The following PAX6 variants were observed in gnomAD, a reference collection of about 807,000 sequenced individuals.
PAX6 encodes paired box protein Pax-6.
Under a neutral mutation model 60.7 loss-of-function variants are expected in PAX6, and 7 were observed. The ratio of observed to expected loss-of-function variants is 0.12; its 90% CI spans 0.07 to 0.22. PAX6 has a LOEUF of 0.22. PAX6 is among the 10% of genes least tolerant of loss of function. PAX6 has a pLI of 1.00. For synonymous variants in PAX6, 208 were observed against 201.2 expected (o/e 1.03, Z -0.29); for missense variants, 355 against 555.2 (o/e 0.64, Z 3.62).
At chr11:31,799,339 G>T (rs1260543671) in intron 8 of PAX6, among the ~76,000 whole-genome samples, 1 of 152,026 alleles carries the variant, frequency 6.6e-6, no homozygotes, top group African/African-American at 2.4e-5. Context: ...GGAGGCCTCC[G>T]CCGGCCGAGC....
intron 13 of PAX6, 34 bp downstream of exon 13, chr11:31,790,676 G>A (rs746767059): frequency 1.4e-5 from 22 of 1,613,426 alleles, no homozygotes; most frequent in South Asian, 2.2e-5. Context: ...AAGAGAGATC[G>A]CCTCTGTGCA....
intron 13 of PAX6, chr11:31,790,309 AG>A: frequency 1.6e-6 from 1 of 632,184 alleles, no homozygotes; most frequent in Admixed American, 4.0e-5. Flanking sequence ...TTTACAATAA[AG>A]CTGTCTCTGG....
intron 4 of PAX6, 82 bp downstream of exon 4, chr11:31,806,320 G>C (rs1280927610): frequency 1.1e-5 from 17 of 1,509,098 alleles, no homozygotes; most frequent in Non-Finnish European, 1.5e-5. Context: ...CAGCGCGGGC[G>C]TCGCGAGTCC....
chr11:31,801,511 G>A (rs865864158), intron 7 of PAX6, 50 bp downstream of exon 7: 6 of 1,613,362 alleles, frequency 3.7e-6, no homozygotes, highest in Middle Eastern at 3.6e-4. Flanking sequence ...GTAAAGAGGA[G>A]AGAGCATTGG....
chr11:31,799,385 C>G lies in PAX6; in HGVS notation c.565+1306G>C, dbSNP rs1419408638. 2.0e-5 allele frequency among the ~76,000 whole-genome samples: 3 copies of G among 152,218 alleles called. No homozygotes were observed. In the East Asian group the frequency reaches 5.8e-4, roughly 30 times the overall value. ...GGAAACAAGAAGCGAGCGCTTTGCTCCCTATCTTCCCAGTGTCCGTCCTAT... is the reference window on the plus strand; with the variant it reads ...GGAAACAAGAAGCGAGCGCTTTGCTGCCTATCTTCCCAGTGTCCGTCCTAT... On this transcript the variant is annotated intron_variant, in intron 8 of 13. Transcript: ENST00000640368.
chr11:31,799,140 G>A (rs1458936579), intron 8 of PAX6, among the ~76,000 whole-genome samples: 10 of 152,226 alleles, frequency 6.6e-5, no homozygotes, highest in Non-Finnish European at 1.5e-4. Flanking sequence ...GGTGTGTCCA[G>A]TGTCTACAAG....
Position 31,790,956 on chromosome 11 carries a change from T to C in PAX6, c.1075-96A>G, listed in dbSNP as rs1369262497. The C allele has an allele frequency of 3.0e-6, 4 of 1,336,264 alleles. No homozygotes were observed. The African/African-American group carries it at 5.8e-5, about 19-fold the overall frequency. 82.8% of individuals were successfully genotyped at this position (1,336,264 alleles called of 1,614,324 possible). On this transcript the variant is annotated intron_variant, in intron 12 of 13. Coordinates refer to ENST00000640368, the MANE Select transcript of PAX6 (RefSeq NM_001368894.2). ...TCCCGAGGAACTCTGCCAACAAGTCTGATCATTAAAGATGCCTTCACGTGA... is the reference window on the plus strand; with the variant it reads ...TCCCGAGGAACTCTGCCAACAAGTCCGATCATTAAAGATGCCTTCACGTGA...
chr11:31,806,957 T>C (rs1206772707), intron 2 of PAX6, 32 bp from the exon 3 acceptor site: 1 of 153,260 alleles, frequency 6.5e-6, no homozygotes, highest in Non-Finnish European at 1.5e-5. Context: ...AAAAGGTATA[T>C]CAAGCTGTGG....
upstream of PAX6, among the ~76,000 whole-genome samples, chr11:31,815,975 C>G (rs953757569): frequency 5.3e-5 from 8 of 152,050 alleles, no homozygotes; most frequent in African/African-American, 1.2e-4. Flanking sequence ...CCGCGCGGCC[C>G]GATGCCTCTG....
At chr11:31,797,731 C>A (rs1952073343) in intron 8 of PAX6, among the ~76,000 whole-genome samples, 1 of 152,178 alleles carries the variant, frequency 6.6e-6, no homozygotes, top group African/African-American at 2.4e-5. Flanking sequence ...GCCTTCCACT[C>A]TTAAAGCTTT....
intron 12 of PAX6, chr11:31,793,132 G>A (rs1041623827): frequency 6.9e-5 from 42 of 607,938 alleles, no homozygotes; most frequent in Middle Eastern, 4.2e-4. Context: ...CTGGTGCAAG[G>A]CTCCCTGGTA....
At chr11:31,790,484 C>G (rs1367540778) in intron 13 of PAX6, 1 of 985,174 alleles carries the variant, frequency 1.0e-6, no homozygotes, top group Non-Finnish European at 1.2e-6. Context: ...TGTCTTCATA[C>G]ACAACTTTTG....
intron 5 of PAX6, 133 bp from the exon 6 acceptor site, chr11:31,802,045 T>A: frequency 1.3e-6 from 1 of 777,158 alleles, no homozygotes; most frequent in Non-Finnish European, 2.1e-6. Flanking sequence ...AAAAAACGAA[T>A]TTAAAAGCTT....
At chr11:31,796,492 G>T (rs1413779968) in intron 8 of PAX6, among the ~76,000 whole-genome samples, 1 of 149,648 alleles carries the variant, frequency 6.7e-6, no homozygotes, top group African/African-American at 2.5e-5. Flanking sequence ...GTGGATGGGG[G>T]GGCCAGGGCC....
At chr11:31,800,619 G>T in intron 8 of PAX6, 72 bp downstream of exon 8, 2 of 1,555,222 alleles carry the variant, frequency 1.3e-6, no homozygotes, top group Non-Finnish European at 1.8e-6. Context: ...GAGAGGAAAT[G>T]GTTGGGAGAG....
At chr11:31,802,661 A>T (rs768500846) in intron 5 of PAX6, 43 bp downstream of exon 5, 2 of 1,592,658 alleles carry the variant, frequency 1.3e-6, no homozygotes, top group African/African-American at 1.3e-5. Context: ...TTGAGAGTGG[A>T]GGGCCGCGGG....
At chr11:31,816,011 A>G (rs2135445815), upstream of PAX6, among the ~76,000 whole-genome samples, 1 of 152,296 alleles carries the variant, frequency 6.6e-6, no homozygotes, top group African/African-American at 2.4e-5. Context: ...AAAGGGAATG[A>G]AAAATGAAGC....
intron 8 of PAX6, among the ~76,000 whole-genome samples, chr11:31,799,692 C>T (rs1229777888): frequency 6.6e-6 from 1 of 152,158 alleles, no homozygotes; most frequent in African/African-American, 2.4e-5. Context: ...AGGCGCCGGG[C>T]ATCCGGAGCC....
At chr11:31,793,352 A>T (rs1414675572) in intron 12 of PAX6, 86 bp downstream of exon 12, 1 of 1,117,484 alleles carries the variant, frequency 8.9e-7, no homozygotes, top group Non-Finnish European at 1.4e-6. Context: ...AAGGGTGCAG[A>T]CACAGCCAAT....
Sources: gnomAD v4.1 joint callset for allele counts (sites outside exome capture counted in the v4.1 genomes callset) on GRCh38, gnomAD v4.1.1 for gene constraint, MANE v1.5 for transcripts, NCBI Gene and HGNC (gene_info 2026-07-23, HGNC 2026-07-21) for gene names.